Variants in CNTN5 observed in about 807,000 individuals in gnomAD.
CNTN5 encodes the protein contactin-5.
Under a neutral mutation model 129.1 loss-of-function variants are expected in CNTN5, and 77 were observed. The observed-to-expected ratio is 0.60, with a 90% confidence interval of 0.50 to 0.72. The LOEUF (loss-of-function observed/expected upper bound fraction) is 0.72, where lower values mean the gene tolerates loss of function less well. CNTN5 is among the 30% of genes least tolerant of loss of function. The pLI, the probability that CNTN5 is intolerant of heterozygous loss-of-function variation, is 0.00. For synonymous variants in CNTN5, 509 were observed against 465.6 expected (o/e 1.09, Z -1.20); for missense variants, 1,478 against 1,328.8 (o/e 1.11, Z -1.75).
chr11:100,036,194 A>G (rs1462691426), intron 9 of CNTN5, among the ~76,000 whole-genome samples: 1 of 152,170 alleles, frequency 6.6e-6, no homozygotes, highest in Non-Finnish European at 1.5e-5. Context: ...ATGGCTAGCC[A>G]GTTTTTCCAG....
At chr11:100,271,619 T>A (rs1365096204) in intron 18 of CNTN5, among the ~76,000 whole-genome samples, 1 of 152,184 alleles carries the variant, frequency 6.6e-6, no homozygotes, top group Non-Finnish European at 1.5e-5. Flanking sequence ...TTACTTGAAT[T>A]ACAGTGTACT....
intron 3 of CNTN5, among the ~76,000 whole-genome samples, chr11:99,786,499 A>T (rs541476616): frequency 2.0e-5 from 3 of 152,194 alleles, no homozygotes; most frequent in Non-Finnish European, 4.4e-5. Context: ...ATTAGAAAAA[A>T]ACTACTTTAA....
At chr11:99,552,367 T>C (rs1948520555) in intron 2 of CNTN5, among the ~76,000 whole-genome samples, 1 of 152,142 alleles carries the variant, frequency 6.6e-6, no homozygotes, top group South Asian at 2.1e-4. Flanking sequence ...AAGACAAAAA[T>C]CCTTGCTTCC....
intron 3 of CNTN5, among the ~76,000 whole-genome samples, chr11:99,661,717 A>G (rs1952599574): frequency 6.6e-6 from 1 of 152,102 alleles, no homozygotes; most frequent in African/African-American, 2.4e-5. Context: ...AGTAACTTTA[A>G]AAAATCTAAT....
chr11:100,212,772 G>A (rs1409871541), intron 15 of CNTN5, among the ~76,000 whole-genome samples: 1 of 152,154 alleles, frequency 6.6e-6, no homozygotes, highest in South Asian at 2.1e-4. Context: ...CAACTCTCCA[G>A]ATATAATGTC....
intron 16 of CNTN5, among the ~76,000 whole-genome samples, chr11:100,250,426 T>C (rs1477439486): frequency 6.6e-6 from 1 of 152,080 alleles, no homozygotes. Flanking sequence ...CAAATATTTA[T>C]TGAGGGTCTA....
At chr11:99,224,924 G>T (rs930811086) in intron 1 of CNTN5, among the ~76,000 whole-genome samples, 1 of 152,008 alleles carries the variant, frequency 6.6e-6, no homozygotes, top group Non-Finnish European at 1.5e-5. Context: ...CAACAGGAAT[G>T]ACTTTAAGAC....
At chr11:99,094,972 A>T (rs1373682331) in intron 1 of CNTN5, among the ~76,000 whole-genome samples, 1 of 151,776 alleles carries the variant, frequency 6.6e-6, no homozygotes, top group Admixed American at 6.6e-5. Context: ...TATTATTATT[A>T]TTAGGTTTCT....
chr11:99,275,132 C>A (rs543912034), intron 1 of CNTN5, among the ~76,000 whole-genome samples: 2 of 150,994 alleles, frequency 1.3e-5, no homozygotes, highest in South Asian at 2.1e-4. Flanking sequence ...GTTTTTAAGA[C>A]CCCTAGCCTC....
At chr11:99,135,618 C>T (rs6589907) in intron 1 of CNTN5, among the ~76,000 whole-genome samples, 138,285 of 152,124 alleles carry the variant, frequency 0.91, 63,111 homozygotes, top group East Asian at 0.99. Flanking sequence ...TGCATAATGC[C>T]TTCTTTGATT....
chr11:99,406,259 G>A (rs1942059229), intron 2 of CNTN5, among the ~76,000 whole-genome samples: 1 of 152,084 alleles, frequency 6.6e-6, no homozygotes, highest in Non-Finnish European at 1.5e-5. Context: ...GCTTGAAGGG[G>A]CACCCCAAGC....
intron 13 of CNTN5, among the ~76,000 whole-genome samples, chr11:100,161,567 A>G (rs1486733533): frequency 1.3e-5 from 2 of 151,874 alleles, no homozygotes; most frequent in African/African-American, 4.8e-5. Context: ...ATGTCTAATC[A>G]GAGACTAAAC....
intron 17 of CNTN5, among the ~76,000 whole-genome samples, chr11:100,267,973 A>T (rs1395989868): frequency 6.6e-6 from 1 of 152,192 alleles, no homozygotes; most frequent in African/African-American, 2.4e-5. Flanking sequence ...AATGGTCAGA[A>T]TTTGAAACTA....
chr11:99,656,734 CA>C (rs1489786589), intron 3 of CNTN5, among the ~76,000 whole-genome samples: 1 of 152,076 alleles, frequency 6.6e-6, no homozygotes, highest in East Asian at 1.9e-4. Context: ...AACAAGGCTG[CA>C]AAACACCAGG....
At chr11:100,093,633 AG>A (rs1944880682) in intron 13 of CNTN5, among the ~76,000 whole-genome samples, 3 of 152,178 alleles carry the variant, frequency 2.0e-5, no homozygotes, top group South Asian at 2.1e-4. Context: ...TATATAATAA[AG>A]CAAGCCAGGG....
chr11:99,118,481 T>C (rs1024503254), intron 1 of CNTN5, among the ~76,000 whole-genome samples: 5 of 152,114 alleles, frequency 3.3e-5, no homozygotes, highest in African/African-American at 1.2e-4. Context: ...TCAGTGGGTC[T>C]TTCTGGAGTT....
At chr11:99,165,897 G>C (rs189854240) in intron 1 of CNTN5, among the ~76,000 whole-genome samples, 1 of 152,094 alleles carries the variant, frequency 6.6e-6, no homozygotes, top group Non-Finnish European at 1.5e-5. Context: ...ACTTAGACCC[G>C]TCATCTGAGG....
chr11:99,991,002 T>C (rs191959980), intron 8 of CNTN5, among the ~76,000 whole-genome samples: 1 of 152,136 alleles, frequency 6.6e-6, no homozygotes, highest in Non-Finnish European at 1.5e-5. Context: ...CACAGGTAGA[T>C]ATTTAATATG....
chr11:100,183,615 T>C lies in CNTN5; in HGVS notation c.1581-7511T>C, dbSNP rs576743138. Among the ~76,000 whole-genome samples the C allele has an allele frequency of 1.4e-3, 213 of 152,128 alleles. 2 individuals are homozygous for C. The highest frequency in any genetic ancestry group is 4.7e-3 in the African/African-American group (195 of 41,508). On this transcript the variant is annotated intron_variant, in intron 13 of 24. Coordinates refer to ENST00000524871, the MANE Select transcript of CNTN5 (RefSeq NM_014361.4). ...GATCAGTAGTTGCCTAGGACAACGA[T>C]GGGGTTAGAAGGGGCTGGGGGAATG...
Sources: gnomAD v4.1 joint callset for allele counts (sites outside exome capture counted in the v4.1 genomes callset) on GRCh38, gnomAD v4.1.1 for gene constraint, MANE v1.5 for transcripts, NCBI Gene and HGNC (gene_info 2026-07-23, HGNC 2026-07-21) for gene names.